Variants in KIF20A observed in about 807,000 individuals in gnomAD.
KIF20A encodes the protein kinesin family member 20A.
A neutral mutation model predicts 113.0 loss-of-function variants in KIF20A; 66 were observed. That is an observed-to-expected ratio of 0.58 (90% confidence interval 0.48 to 0.72). KIF20A has a LOEUF of 0.72. Among genes scored for constraint, KIF20A ranks in the 30% least tolerant of loss-of-function variants. The probability of loss-of-function intolerance (pLI) is 0.00; values close to 1 mark genes in which losing one functional copy is unlikely to be tolerated. For missense variants in KIF20A, 927 were observed against 1,077.6 expected, an observed-to-expected ratio of 0.86 and a Z score of 1.96; for synonymous variants, 376 against 402.3, an observed-to-expected ratio of 0.93 and a Z score of 0.78.
In KIF20A at chr5:138,183,649, G is replaced by GA. The variant is rs772289261; in HGVS notation, c.1140-35dup. The stretch of plus-strand genomic sequence containing the variant: ...AACATTAGTCCTCTGCCTGGTCATG[G>GA]AAAATGTGCAATGACTTTTTGTTTT... On this transcript the variant is annotated intron_variant, in intron 9 of 18. Coordinates refer to ENST00000394894, the MANE Select transcript of KIF20A (RefSeq NM_005733.3). The surrounding 1 kb of genome is among the most constrained non-coding windows in gnomAD (Gnocchi z 5.2). 1 of 1,609,396 alleles carries GA rather than the reference G, an allele frequency of 6.2e-7. No homozygotes were observed.
At position 138,182,911 on chromosome 5, in the gene KIF20A, A is replaced by C; in HGVS notation, c.753A>C (p.Ile251=). 5 of 1,614,216 alleles carry C rather than the reference A, an allele frequency of 3.1e-6. No homozygotes were observed. Among genetic ancestry groups the C allele is most frequent in the Non-Finnish European group, 4.2e-6 (5 of 1,180,028 alleles). ...GGAGTGTCTACATCGAAAGTCGGAT[A>C]GGTACCAGCACCAGCTTCGACAGTG... The part of the protein sequence containing the change: ...LKRSVYIESR[I]GTSTSFDSGI... The change falls in exon 7 of 19, where the codon ATA becomes ATC. Residue 251 remains isoleucine (I), a synonymous_variant. Coordinates refer to ENST00000394894, the MANE Select transcript of KIF20A (RefSeq NM_005733.3).
rs1754684230 is a variant in KIF20A at position 138,182,913 on chromosome 5, G to A, written c.755G>A (p.Gly252Asp). 3.1e-6 allele frequency: 5 copies of A among 1,614,170 alleles called. No individual in the cohort carries two copies. The highest frequency in any genetic ancestry group is 3.4e-6 in the Non-Finnish European group (4 of 1,180,024). Residue 252 changes from glycine to aspartate, a missense_variant, in exon 7 of 19, where the codon GGT becomes GAT. Coordinates refer to ENST00000394894, the MANE Select transcript of KIF20A (RefSeq NM_005733.3). ...AGTGTCTACATCGAAAGTCGGATAGGTACCAGCACCAGCTTCGACAGTGGC... is the reference window on the plus strand; with the variant it reads ...AGTGTCTACATCGAAAGTCGGATAGATACCAGCACCAGCTTCGACAGTGGC... The part of the protein sequence containing the change: ...KRSVYIESRI[G>D]TSTSFDSGIA...
chr5:138,185,572 G>T lies in KIF20A; in HGVS notation c.1987G>T (p.Val663Leu). The change falls in exon 16 of 19, where the codon GTG (valine) becomes TTG (leucine). Residue 663 changes from valine to leucine, a missense_variant. By Grantham distance (32) the Val-to-Leu change is conservative. Transcript: ENST00000394894. Reference protein sequence around the residue: ...ALLQEARQQSVAHQQSGSELA... With the variant: ...ALLQEARQQSLAHQQSGSELA... The stretch of plus-strand genomic sequence containing the variant: ...CTTGCAGGAAGCCAGACAACAGTCA[G>T]TGGCCCATCAGCAATCAGGGTCTGA... The T allele has an allele frequency of 6.2e-7, 1 of 1,614,130 alleles. No individual in the cohort carries two copies. The highest frequency in any genetic ancestry group is 8.5e-7 in the Non-Finnish European group (1 of 1,180,032).
Position 138,185,528 on chromosome 5 carries a change from T to A in KIF20A, c.1943T>A (p.Ile648Asn). The A allele has an allele frequency of 2.5e-6, 4 of 1,613,534 alleles. No individual in the cohort carries two copies. The highest frequency in any genetic ancestry group is 3.4e-6 in the Non-Finnish European group (4 of 1,179,994). The change falls in exon 16 of 19, where the codon ATT becomes AAT. Residue 648 changes from isoleucine (I) to asparagine (N), a missense_variant. Ile to Asn is a moderately radical substitution (Grantham distance 149). Transcript: ENST00000394894. ...CCCTCTTAGGAGCGGGATGAAAAGA[T>A]TGAAGAGCTAGAAGCTCTCTTGCAG... ...QEEIQERDEK[I>N]EELEALLQEA...
Position 138,185,693 on chromosome 5 carries a change from T to G in KIF20A, c.2108T>G (p.Leu703Arg), listed in dbSNP as rs771885347. 6.2e-7 allele frequency: 1 copy of G among 1,614,174 alleles called. No individual in the cohort carries two copies. The highest frequency in any genetic ancestry group is 8.5e-7 in the Non-Finnish European group (1 of 1,179,990). ...KAKLQQCKAE[L>R]NSTTEELHKY... ...AAATTACAGCAGTGCAAAGCAGAGC[T>G]AAACTCTACCACTGAAGGTGAGGAA... The change falls in exon 16 of 19, where the codon CTA (leucine) becomes CGA (arginine). Residue 703 changes from leucine (L) to arginine (R), a missense_variant. Leu to Arg is a moderately radical substitution (Grantham distance 102). Coordinates refer to ENST00000394894, the MANE Select transcript of KIF20A (RefSeq NM_005733.3).
At position 138,183,233 on chromosome 5, in the gene KIF20A, C is replaced by G. The variant is rs1014978406; in HGVS notation, c.897C>G (p.Phe299Leu). The G allele has an allele frequency of 4.3e-6, 7 of 1,613,604 alleles. No homozygotes were observed. Among genetic ancestry groups the G allele is most frequent in the Admixed American group, 1.7e-5 (1 of 59,952 alleles). ...TACCTGTCCCGGCAAACATTCGCTT[C>G]TCCATCTGGATCTCATTCTTTGAGA... ...APLPVPANIR[F>L]SIWISFFEIY... Residue 299 changes from phenylalanine to leucine, a missense_variant, in exon 8 of 19, where the codon TTC becomes TTG. Physicochemically the swap from Phe to Leu is conservative, Grantham distance 22. Coordinates refer to ENST00000394894, the MANE Select transcript of KIF20A (RefSeq NM_005733.3). This position sits in a 1 kb window ranked among gnomAD's most constrained non-coding sequence, Gnocchi z 5.2.
Position 138,184,015 on chromosome 5 carries a change from G to A in KIF20A, c.1262G>A (p.Gly421Asp). Reference sequence around the variant, plus strand: ...GAGCGCTGCAAAGATCAGAAGAGTGGTGAACGGTTGAAGGAAGCAGGAAAC... The same window carrying A: ...GAGCGCTGCAAAGATCAGAAGAGTGATGAACGGTTGAAGGAAGCAGGAAAC... ...GSERCKDQKSGERLKEAGNIN... is the reference protein window; with the variant it reads ...GSERCKDQKSDERLKEAGNIN... The change falls in exon 11 of 19, where the codon GGT (glycine) becomes GAT (aspartate). Residue 421 changes from glycine (G) to aspartate (D), a missense_variant. By Grantham distance (94) the Gly-to-Asp change is moderately conservative. Coordinates refer to ENST00000394894, the MANE Select transcript of KIF20A (RefSeq NM_005733.3). 6.2e-7 allele frequency: 1 copy of A among 1,614,188 alleles called. No homozygotes were observed. Among genetic ancestry groups the A allele is most frequent in the Non-Finnish European group, 8.5e-7 (1 of 1,180,032 alleles).
Position 138,185,950 on chromosome 5 carries a change from C to T in KIF20A, c.2126-11C>T, listed in dbSNP as rs201374891. 346 of 1,612,332 alleles carry T rather than the reference C, an allele frequency of 2.1e-4. No individual in the cohort carries two copies. Among genetic ancestry groups the T allele is most frequent in the Non-Finnish European group, 2.8e-4 (333 of 1,178,602 alleles). On this transcript the variant is annotated splice_polypyrimidine_tract_variant and intron_variant, in intron 16 of 18. Coordinates refer to ENST00000394894, the MANE Select transcript of KIF20A (RefSeq NM_005733.3). Reference sequence around the variant, plus strand: ...CCCACATATTTTAAGTTTCCTGTTTCCTTCCCTCAGAGTTGCATAAGTATC... The same window carrying T: ...CCCACATATTTTAAGTTTCCTGTTTTCTTCCCTCAGAGTTGCATAAGTATC...
rs745853948 is a variant in KIF20A at position 138,187,437 on chromosome 5, G to A, written c.*24G>A. The A allele has an allele frequency of 6.3e-7, 1 of 1,595,970 alleles. No homozygotes were observed. Among genetic ancestry groups the A allele is most frequent in the Non-Finnish European group, 8.6e-7 (1 of 1,168,780 alleles). Reference sequence around the variant, plus strand: ...AAGGCTGTGGGGAAAGAGAAGAGCAGTCATGGCCCTGAGGTGGGTCAGCTA... The same window carrying A: ...AAGGCTGTGGGGAAAGAGAAGAGCAATCATGGCCCTGAGGTGGGTCAGCTA... On this transcript the variant is annotated 3_prime_UTR_variant, in exon 19 of 19. Transcript: ENST00000394894.
In KIF20A at chr5:138,179,825, T is replaced by A. The variant is rs1464859320; in HGVS notation, c.145T>A (p.Ser49Thr). 3 of 1,613,730 alleles carry A rather than the reference T, an allele frequency of 1.9e-6. No homozygotes were observed. ...LLSDCSVVST[S>T]LEDKQQVPSE... ...ATCAGACTGCTCTGTCGTCTCTACC[T>A]CCCTAGAGGACAAGCAGCAGGTAAA... is the stretch of plus-strand genomic sequence containing the variant. The change falls in exon 2 of 19, where the codon TCC (serine) becomes ACC (threonine). Residue 49 changes from serine (S) to threonine (T), a missense_variant. By Grantham distance (58) the Ser-to-Thr change is moderately conservative. Transcript: ENST00000394894.
In KIF20A at chr5:138,186,445, A is replaced by G. The variant is rs367588033; in HGVS notation, c.2355+14A>G. 9.0e-5 allele frequency: 144 copies of G among 1,608,686 alleles called. 1 individual carries two copies. The East Asian group carries it at 2.9e-3, about 32-fold the overall frequency. ...TTAATCAAACAGGTTAGGGCAAACT[A>G]TATACCCACTTCTGTCCTACCAGCC... On this transcript the variant is annotated intron_variant, in intron 18 of 18. Transcript: ENST00000394894.
chr5:138,185,552 A>G lies in KIF20A; in HGVS notation c.1967A>G (p.Gln656Arg), dbSNP rs142562832. 1.4e-3 allele frequency: 2,266 copies of G among 1,613,998 alleles called. 6 individuals carry two copies. Among genetic ancestry groups the G allele is most frequent in the Non-Finnish European group, 1.7e-3 (1,965 of 1,180,030 alleles). The part of the protein sequence containing the change: ...EKIEELEALL[Q>R]EARQQSVAHQ... ...ATTGAAGAGCTAGAAGCTCTCTTGCAGGAAGCCAGACAACAGTCAGTGGCC... is the reference window on the plus strand; with the variant it reads ...ATTGAAGAGCTAGAAGCTCTCTTGCGGGAAGCCAGACAACAGTCAGTGGCC... The change falls in exon 16 of 19, where the codon CAG becomes CGG. Residue 656 changes from glutamine (Q) to arginine (R), a missense_variant. Physicochemically the swap from Gln to Arg is conservative, Grantham distance 43. Transcript: ENST00000394894.
chr5:138,179,605 G>T (rs1204203548), intron 1 of KIF20A, 55 bp from the exon 2 acceptor site: 2 of 1,504,308 alleles, frequency 1.3e-6, no homozygotes, highest in Non-Finnish European at 1.8e-6. Context: ...AAAATTCGCG[G>T]CCCCTTCTGT....
chr5:138,184,701 G>A lies in KIF20A; in HGVS notation c.1683+25G>A, dbSNP rs763301461. ...GGTGAGAATACAAGAAAGCTTTAGT[G>A]TAGCAGCTTAGTAGCTACACATTTT... is the stretch of plus-strand genomic sequence containing the variant. On this transcript the variant is annotated intron_variant, in intron 13 of 18. Transcript: ENST00000394894. 3.0e-5 allele frequency: 48 copies of A among 1,612,408 alleles called. No homozygotes were observed. The East Asian group carries it at 6.2e-4, about 21-fold the overall frequency.
intron 2 of KIF20A, among the ~76,000 whole-genome samples, chr5:138,180,258 GT>G (rs1371974015): frequency 6.6e-6 from 1 of 152,174 alleles, no homozygotes; most frequent in Non-Finnish European, 1.5e-5. Context: ...TTTGTTGTAG[GT>G]TTCCTGCTAG....
intron 15 of KIF20A, 114 bp downstream of exon 15, chr5:138,185,311 T>C: frequency 1.2e-6 from 1 of 847,830 alleles, no homozygotes; most frequent in Non-Finnish European, 1.9e-6. Context: ...ATAACTCCCT[T>C]TTCTCTATTC....
chr5:138,185,282 C>G, intron 15 of KIF20A, 85 bp downstream of exon 15: 1 of 939,380 alleles, frequency 1.1e-6, no homozygotes, highest in Non-Finnish European at 1.7e-6. Context: ...ATAAACTACT[C>G]CAGTAAGGGC....
intron 15 of KIF20A, 104 bp from the exon 16 acceptor site, chr5:138,185,408 G>GT: frequency 8.9e-7 from 1 of 1,120,232 alleles, no homozygotes; most frequent in Non-Finnish European, 1.3e-6. Flanking sequence ...CTAACAACAG[G>GT]TTTTCAAGGG....
Position 138,182,960 on chromosome 5 carries a change from A to T in KIF20A, c.802A>T (p.Ser268Cys). 1 of 1,614,184 alleles carries T rather than the reference A, an allele frequency of 6.2e-7. No homozygotes were observed. The highest frequency in any genetic ancestry group is 8.5e-7 in the Non-Finnish European group (1 of 1,180,030). ...DSGIAGLSSI[S>C]QCTSSSQLDE... is the part of the protein sequence containing the mutation. ...TGGCATTGCTGGGCTCTCTTCTATC[A>T]GTCAGTGTACCAGCAGTAGCCAGCT... is the stretch of plus-strand genomic sequence containing the variant. Residue 268 changes from serine (S) to cysteine (C), a missense_variant, in exon 7 of 19, where the codon AGT (serine) becomes TGT (cysteine). By Grantham distance (112) the Ser-to-Cys change is moderately radical (BLOSUM62 -1). Coordinates refer to ENST00000394894, the MANE Select transcript of KIF20A (RefSeq NM_005733.3).
Sources: allele counts gnomAD v4.1 joint callset (sites outside exome capture counted in the v4.1 genomes callset), GRCh38; gene constraint gnomAD v4.1.1; non-coding constraint Gnocchi (gnomAD v3.1); transcripts MANE v1.5; gene names NCBI Gene and HGNC (gene_info 2026-07-23, HGNC 2026-07-21).